Variants in CNTLN observed in about 807,000 individuals in gnomAD.
CNTLN encodes the protein centlein, centrosomal protein.
A neutral mutation model predicts 180.0 loss-of-function variants in CNTLN; 212 were observed. The ratio of observed to expected loss-of-function variants is 1.18; its 90% CI spans 1.05 to 1.32. CNTLN has a LOEUF of 1.32. CNTLN is among the 40% of genes most tolerant of loss of function. CNTLN has a pLI of 0.00. For missense variants in CNTLN, 2,095 were observed against 1,610.9 expected (o/e 1.30, Z -5.14); for synonymous variants, 722 against 563.1 (o/e 1.28, Z -3.99).
chr9:17,332,580 A>G (rs1318873941), intron 9 of CNTLN, 25 bp from the exon 10 acceptor site: 3 of 1,589,908 alleles, frequency 1.9e-6, no homozygotes, highest in Non-Finnish European at 2.6e-6. Context: ...AACTAGTTCA[A>G]CCATGTCCTT....
chr9:17,222,033 T>C (rs1261875139), intron 2 of CNTLN, among the ~76,000 whole-genome samples: 1 of 152,044 alleles, frequency 6.6e-6, no homozygotes, highest in Non-Finnish European at 1.5e-5. Flanking sequence ...CAGTTCTCTT[T>C]TCTGTCCTGC....
intron 15 of CNTLN, among the ~76,000 whole-genome samples, chr9:17,396,785 A>G (rs1826558064): frequency 6.6e-6 from 1 of 152,198 alleles, no homozygotes; most frequent in Non-Finnish European, 1.5e-5. Context: ...CAATGTGCAG[A>G]CAAGTTTGAG....
intron 25 of CNTLN, among the ~76,000 whole-genome samples, chr9:17,488,641 A>G (rs1026072294): frequency 6.6e-6 from 1 of 152,096 alleles, no homozygotes; most frequent in Admixed American, 6.6e-5. Context: ...AGGTATATAC[A>G]TACATTCTGC....
At chr9:17,213,545 G>A (rs1459678113) in intron 2 of CNTLN, among the ~76,000 whole-genome samples, 1 of 152,222 alleles carries the variant, frequency 6.6e-6, no homozygotes, top group African/African-American at 2.4e-5. Context: ...GACTTGGGGT[G>A]AAGAGTTCTG....
At chr9:17,165,506 G>T (rs188973776) in intron 2 of CNTLN, among the ~76,000 whole-genome samples, 14 of 152,254 alleles carry the variant, frequency 9.2e-5, no homozygotes, top group African/African-American at 3.1e-4. Flanking sequence ...CTAGTAATAG[G>T]TTACATCAGT....
At chr9:17,350,615 T>C (rs1822285371) in intron 12 of CNTLN, among the ~76,000 whole-genome samples, 1 of 152,148 alleles carries the variant, frequency 6.6e-6, no homozygotes, top group Non-Finnish European at 1.5e-5. Flanking sequence ...CAGACATGCA[T>C]TTCTGATAGT....
chr9:17,433,578 G>A (rs1026565643), intron 18 of CNTLN, among the ~76,000 whole-genome samples: 5 of 151,622 alleles, frequency 3.3e-5, no homozygotes, highest in African/African-American at 4.8e-5. Context: ...GAGCCACCGC[G>A]CCCAGCCCTA....
chr9:17,412,879 G>T (rs1429553053), intron 16 of CNTLN, among the ~76,000 whole-genome samples: 1 of 152,080 alleles, frequency 6.6e-6, no homozygotes, highest in Non-Finnish European at 1.5e-5. Context: ...AAACAAAATA[G>T]ACCTAAAACA....
rs557656172 is a variant in CNTLN, at chr9:17,151,917, A to AT, written c.449+8547dup. On this transcript the variant is annotated intron_variant, in intron 2 of 25. Transcript: ENST00000380647. ...GGTGTATGTGTCCAGGAATTTATCCATTTTTTCTAGATTTTCTAGTTTATT... is the reference window on the plus strand; with the variant it reads ...GGTGTATGTGTCCAGGAATTTATCCATTTTTTTCTAGATTTTCTAGTTTATT... Among the ~76,000 whole-genome samples, 23 of 151,958 alleles carry AT rather than the reference A, an allele frequency of 1.5e-4. No individual in the cohort carries two copies. The East Asian group carries it at 3.7e-3, about 24-fold the overall frequency.
At chr9:17,463,728 A>G (rs1228444456) in intron 20 of CNTLN, among the ~76,000 whole-genome samples, 2 of 151,644 alleles carry the variant, frequency 1.3e-5, no homozygotes, top group East Asian at 3.9e-4. Context: ...AATTAAGAGT[A>G]AGTCTTGCTT....
At chr9:17,277,508 A>G (rs1828386414) in intron 6 of CNTLN, among the ~76,000 whole-genome samples, 1 of 152,068 alleles carries the variant, frequency 6.6e-6, no homozygotes, top group African/African-American at 2.4e-5. Flanking sequence ...TTTACAAAAT[A>G]GGGTCTAGCA....
chr9:17,245,557 C>G (rs1297256015), intron 5 of CNTLN, among the ~76,000 whole-genome samples: 1 of 151,562 alleles, frequency 6.6e-6, no homozygotes, highest in Non-Finnish European at 1.5e-5. Flanking sequence ...GGTCTATAAC[C>G]TTTTTGTTCT....
intron 12 of CNTLN, among the ~76,000 whole-genome samples, chr9:17,358,557 A>G (rs1048044243): frequency 4.0e-4 from 61 of 152,332 alleles, no homozygotes; most frequent in African/African-American, 1.4e-3. Flanking sequence ...ATATATCAAA[A>G]ATCAAAGTGA....
At position 17,143,464 on chromosome 9, in the gene CNTLN, C is replaced by T. The variant is rs527785202; in HGVS notation, c.449+88C>T. 406 of 909,950 alleles carry T rather than the reference C, an allele frequency of 4.5e-4. 2 individuals are homozygous for T. Among genetic ancestry groups the T allele is most frequent in the Admixed American group, 8.5e-4 (37 of 43,564 alleles). 56.4% of individuals were successfully genotyped at this position (909,950 alleles called of 1,614,324 possible). ...TAAAGTTAGTACTTATCATTAATCTCCTAAAGAGATTCATTTAATTTCTGA... is the reference window on the plus strand; with the variant it reads ...TAAAGTTAGTACTTATCATTAATCTTCTAAAGAGATTCATTTAATTTCTGA... On this transcript the variant is annotated intron_variant, in intron 2 of 25. Coordinates refer to ENST00000380647, the MANE Select transcript of CNTLN (RefSeq NM_017738.4).
intron 18 of CNTLN, among the ~76,000 whole-genome samples, chr9:17,432,690 C>A (rs1196837427): frequency 6.6e-6 from 1 of 151,898 alleles, no homozygotes. Context: ...TAAAATGCAT[C>A]AGTATAAATT....
At chr9:17,288,574 T>C (rs1196312479) in intron 6 of CNTLN, among the ~76,000 whole-genome samples, 1 of 128,260 alleles carries the variant, frequency 7.8e-6, no homozygotes, top group Non-Finnish European at 1.6e-5. Context: ...GTTGACTTTC[T>C]GTCTCGTTGA....
intron 2 of CNTLN, among the ~76,000 whole-genome samples, chr9:17,212,605 C>G (rs112942463): frequency 0.026 from 3,953 of 152,098 alleles, 175 homozygotes; most frequent in African/African-American, 0.089. Context: ...TTTTTCTACT[C>G]ATTGGAATAG....
At chr9:17,201,962 G>T (rs547739645) in intron 2 of CNTLN, among the ~76,000 whole-genome samples, 1 of 152,128 alleles carries the variant, frequency 6.6e-6, no homozygotes, top group Non-Finnish European at 1.5e-5. Context: ...GCTTTCTGAT[G>T]TGGGCATTTA....
intron 25 of CNTLN, among the ~76,000 whole-genome samples, chr9:17,497,832 C>G (rs1003662978): frequency 6.6e-6 from 1 of 152,088 alleles, no homozygotes; most frequent in African/African-American, 2.4e-5. Context: ...CAGTCTTTAA[C>G]TACAAGATAA....
Sources: allele counts gnomAD v4.1 joint callset (sites outside exome capture counted in the v4.1 genomes callset), GRCh38; gene constraint gnomAD v4.1.1; transcripts MANE v1.5; gene names NCBI Gene and HGNC (gene_info 2026-07-23, HGNC 2026-07-21).